The following ITCH variants were observed in gnomAD, a reference collection of about 807,000 sequenced individuals.
ITCH encodes itchy E3 ubiquitin protein ligase, also known as E3 ubiquitin-protein ligase Itchy homolog.
Under a neutral mutation model 126.8 loss-of-function variants are expected in ITCH, and 28 were observed. The observed-to-expected ratio is 0.22, with a 90% confidence interval of 0.16 to 0.30. The LOEUF (loss-of-function observed/expected upper bound fraction) is 0.30, where lower values mean the gene tolerates loss of function less well. Among genes scored for constraint, ITCH ranks in the 10% least tolerant of loss-of-function variants. The probability of loss-of-function intolerance (pLI) is 1.00; values close to 1 mark genes in which losing one functional copy is unlikely to be tolerated. For missense variants in ITCH, 631 were observed against 1,032.4 expected (o/e 0.61, Z 5.33); for synonymous variants, 342 against 340.0 (o/e 1.01, Z -0.06).
At position 34,438,535 on chromosome 20, in the gene ITCH, A is replaced by G. The variant is rs752347603; in HGVS notation, c.583A>G (p.Ser195Gly). Residue 195 changes from serine to glycine, a missense_variant, in exon 8 of 25, where the codon AGT becomes GGT. Ser to Gly is a moderately conservative substitution (Grantham distance 56, BLOSUM62 0). This residue lies in a region of ITCH where 220 missense variants were observed against 265.7 expected (regional missense o/e 0.83). Transcript: ENST00000374864. ...AGGAGCTGGTGAAAATAGGAGAGTC[A>G]GTGGGAATAATTCTCCATCACTCTC... ...DAGAGENRRV[S>G]GNNSPSLSNG... The G allele has an allele frequency of 3.1e-6, 5 of 1,614,092 alleles. No homozygotes were observed. The South Asian group carries it at 4.4e-5, about 14-fold the overall frequency.
Position 34,489,816 on chromosome 20 carries a change from C to CT in ITCH, c.2215-5dup, listed in dbSNP as rs747420345. 3.7e-6 allele frequency: 6 copies of CT among 1,604,010 alleles called. No homozygotes were observed. The highest frequency in any genetic ancestry group is 5.1e-6 in the Non-Finnish European group (6 of 1,170,982). On this transcript the variant is annotated splice_region_variant and splice_polypyrimidine_tract_variant and intron_variant, in intron 21 of 24. Coordinates refer to ENST00000374864, the MANE Select transcript of ITCH (RefSeq NM_031483.7). Reference sequence around the variant, plus strand: ...AGGAAACAATTTGTCTTTTTCATCCCTAAAGGTCCTTTTATGTGGAATGCA... The same window carrying CT: ...AGGAAACAATTTGTCTTTTTCATCCCTTAAAGGTCCTTTTATGTGGAATGCA...
chr20:34,462,341 G>T, intron 14 of ITCH, 120 bp downstream of exon 14: 1 of 1,027,944 alleles, frequency 9.7e-7, no homozygotes, highest in Admixed American at 2.0e-5. Context: ...TTGACAATAG[G>T]TTTCTGTTCA....
At chr20:34,366,646 C>T (rs765940539) in intron 1 of ITCH, among the ~76,000 whole-genome samples, 5 of 151,754 alleles carry the variant, frequency 3.3e-5, no homozygotes, top group Non-Finnish European at 5.9e-5. Flanking sequence ...GCGGGTGAAT[C>T]GCTTGAGCTC....
intron 9 of ITCH, among the ~76,000 whole-genome samples, chr20:34,441,405 G>A (rs966887717): frequency 2.0e-5 from 3 of 151,948 alleles, no homozygotes; most frequent in South Asian, 4.2e-4. Context: ...AGATACTCAG[G>A]TGTAATTTTT....
chr20:34,485,880 G>A (rs1453666691), intron 20 of ITCH, among the ~76,000 whole-genome samples: 1 of 152,174 alleles, frequency 6.6e-6, no homozygotes, highest in Admixed American at 6.5e-5. Flanking sequence ...TTGTAGAGAT[G>A]TGGTCTTGCT....
chr20:34,367,212 CGGCCATGCA>C (rs1451316133), intron 1 of ITCH, among the ~76,000 whole-genome samples: 3 of 152,068 alleles, frequency 2.0e-5, no homozygotes, highest in Non-Finnish European at 4.4e-5. Flanking sequence ...GAGTCTTGCT[CGGCCATGCA>C]GGCTGGAGTG....
At chr20:34,490,298 C>T (rs6059867) in intron 22 of ITCH, among the ~76,000 whole-genome samples, 73,158 of 152,038 alleles carry the variant, frequency 0.48, 17,898 homozygotes, top group Middle Eastern at 0.51. Context: ...AGAATCATAA[C>T]GGTATCTCTC....
intron 7 of ITCH, among the ~76,000 whole-genome samples, chr20:34,434,141 G>T (rs1044550875): frequency 1.3e-5 from 2 of 152,038 alleles, no homozygotes; most frequent in Admixed American, 6.6e-5. Context: ...GCTGGGTATG[G>T]TGGTGCATGC....
At chr20:34,454,480 A>C (rs1471680142) in intron 12 of ITCH, 1 of 152,040 alleles carries the variant, frequency 6.6e-6, no homozygotes, top group Non-Finnish European at 1.5e-5. Context: ...TGATAAGCTT[A>C]TGCACTGAAG....
At chr20:34,431,855 C>T (rs1982336855) in intron 7 of ITCH, among the ~76,000 whole-genome samples, 1 of 152,088 alleles carries the variant, frequency 6.6e-6, no homozygotes, top group African/African-American at 2.4e-5. Flanking sequence ...GCCTGGCCAA[C>T]ATGGTGAAAC....
chr20:34,501,860 A>G (rs903820382), intron 23 of ITCH, among the ~76,000 whole-genome samples: 7 of 152,192 alleles, frequency 4.6e-5, no homozygotes, highest in East Asian at 1.9e-4. Context: ...AGTATATGTG[A>G]TAACAAAAGG....
At chr20:34,372,524 G>A (rs1339818044) in intron 2 of ITCH, among the ~76,000 whole-genome samples, 1 of 150,694 alleles carries the variant, frequency 6.6e-6, no homozygotes, top group East Asian at 2.0e-4. Context: ...GGGATTACAG[G>A]CACCCGCCAC....
intron 16 of ITCH, among the ~76,000 whole-genome samples, chr20:34,474,579 G>A (rs1261856277): frequency 7.2e-5 from 11 of 152,176 alleles, no homozygotes; most frequent in African/African-American, 2.4e-4. Context: ...GCACAGACAC[G>A]GCAACCATCC....
chr20:34,457,136 A>T (rs559466837), intron 12 of ITCH, among the ~76,000 whole-genome samples: 1 of 152,292 alleles, frequency 6.6e-6, no homozygotes, highest in East Asian at 1.9e-4. Context: ...GGTTGGATTG[A>T]GTAGAAAGGT....
At chr20:34,423,694 C>T (rs1462932961) in intron 6 of ITCH, among the ~76,000 whole-genome samples, 1 of 152,104 alleles carries the variant, frequency 6.6e-6, no homozygotes, top group Non-Finnish European at 1.5e-5. Flanking sequence ...ATTTCTGCCT[C>T]CCGGGTTCTA....
At chr20:34,426,892 A>C (rs1981604690) in intron 7 of ITCH, among the ~76,000 whole-genome samples, 2 of 151,926 alleles carry the variant, frequency 1.3e-5, no homozygotes, top group Non-Finnish European at 2.9e-5. Flanking sequence ...CTCCTGGCTC[A>C]GCCTCCCGAG....
chr20:34,402,955 A>G (rs927206341), intron 3 of ITCH, among the ~76,000 whole-genome samples: 2 of 152,224 alleles, frequency 1.3e-5, no homozygotes, highest in South Asian at 2.1e-4. Flanking sequence ...AATTTATTAC[A>G]GTGCAATATA....
chr20:34,453,477 G>T (rs984431558), intron 12 of ITCH, among the ~76,000 whole-genome samples: 5 of 152,018 alleles, frequency 3.3e-5, no homozygotes, highest in African/African-American at 1.2e-4. Context: ...CATGCCTGTA[G>T]TTCCAGCTAC....
chr20:34,375,308 T>A (rs1410880874), intron 2 of ITCH, among the ~76,000 whole-genome samples: 1 of 151,502 alleles, frequency 6.6e-6, no homozygotes, highest in East Asian at 1.9e-4. Flanking sequence ...CCCAAAATGC[T>A]GAGATTACAG....
Sources: allele counts gnomAD v4.1 joint callset (sites outside exome capture counted in the v4.1 genomes callset), GRCh38; gene constraint gnomAD v4.1.1; regional missense constraint gnomAD v4.1.1; transcripts MANE v1.5; gene names NCBI Gene and HGNC (gene_info 2026-07-23, HGNC 2026-07-21).